Variants in SLC5A4 observed in about 807,000 individuals in gnomAD.
SLC5A4 encodes the protein solute carrier family 5 member 4, also known as probable glucose sensor protein SLC5A4.
In SLC5A4, 55 loss-of-function variants were observed where a neutral mutation model predicts 70.3. The ratio of observed to expected loss-of-function variants is 0.78; its 90% CI spans 0.63 to 0.98. The LOEUF (loss-of-function observed/expected upper bound fraction) is 0.98, where lower values mean the gene tolerates loss of function less well. Ranked by LOEUF, SLC5A4 falls within the 50% of genes least tolerant of loss-of-function variation. The pLI, the probability that SLC5A4 is intolerant of heterozygous loss-of-function variation, is 0.00. For missense variants in SLC5A4, 735 were observed against 839.2 expected (o/e 0.88, Z 1.53); for synonymous variants, 268 against 305.7 (o/e 0.88, Z 1.29).
intron 10 of SLC5A4, among the ~76,000 whole-genome samples, chr22:32,229,741 G>A (rs1198636480): frequency 6.6e-6 from 1 of 152,036 alleles, no homozygotes; most frequent in East Asian, 1.9e-4. Context: ...AGCACAGCAG[G>A]GTAACCATAA....
chr22:32,305,133 C>T, the SLC5A4 span, among the ~76,000 whole-genome samples: 85 of 152,032 alleles, frequency 5.6e-4, no homozygotes, highest in Middle Eastern at 6.8e-3. Flanking sequence ...ACTCATGTAC[C>T]GAGACCTTAA....
chr22:32,242,349 G>A (rs560958496), intron 5 of SLC5A4, among the ~76,000 whole-genome samples: 1 of 152,226 alleles, frequency 6.6e-6, no homozygotes, highest in African/African-American at 2.4e-5. Context: ...AAAATGATGG[G>A]ATCATGCCCC....
chr22:32,248,081 G>A (rs1926934266), intron 4 of SLC5A4, among the ~76,000 whole-genome samples: 1 of 152,056 alleles, frequency 6.6e-6, no homozygotes, highest in Non-Finnish European at 1.5e-5. Context: ...ATTCTATACT[G>A]GAAACCTCTC....
the SLC5A4 span, among the ~76,000 whole-genome samples, chr22:32,275,526 G>A: frequency 2.6e-4 from 39 of 152,214 alleles, no homozygotes; most frequent in African/African-American, 7.9e-4. Flanking sequence ...CTTCATCCAC[G>A]TCCCTACAAA....
At chr22:32,339,867 G>C in the SLC5A4 span, among the ~76,000 whole-genome samples, 1 of 152,238 alleles carries the variant, frequency 6.6e-6, no homozygotes, top group Non-Finnish European at 1.5e-5. Context: ...TTGTTTCACT[G>C]ACACCTGCGG....
At chr22:32,278,554 A>G in the SLC5A4 span, among the ~76,000 whole-genome samples, 1 of 152,222 alleles carries the variant, frequency 6.6e-6, no homozygotes, top group South Asian at 2.1e-4. Context: ...AATCTTAAAT[A>G]AAAATGGATC....
chr22:32,308,467 C>G, the SLC5A4 span, among the ~76,000 whole-genome samples: 1 of 151,814 alleles, frequency 6.6e-6, no homozygotes, highest in Non-Finnish European at 1.5e-5. Context: ...GTGGGGGAGT[C>G]AGTGTCAGGC....
chr22:32,329,733 G>A, the SLC5A4 span, among the ~76,000 whole-genome samples: 1 of 58,178 alleles, frequency 1.7e-5, no homozygotes, highest in Admixed American at 1.7e-4. Flanking sequence ...TCTGGTGTGT[G>A]TGTGTTGGGG....
the SLC5A4 span, chr22:32,269,520 C>A: frequency 1.7e-6 from 1 of 602,386 alleles, no homozygotes. This position sits in a 1 kb window ranked among gnomAD's most constrained non-coding sequence, Gnocchi z 4.1. Flanking sequence ...TGGCAGGACA[C>A]GTGCTCCATC....
In SLC5A4 at chr22:32,221,014, G is replaced by A; in HGVS notation, c.1674C>T (p.Arg558=). The A allele has an allele frequency of 6.2e-7, 1 of 1,611,896 alleles. No homozygotes were observed. The highest frequency in any genetic ancestry group is 2.2e-5 in the East Asian group (1 of 44,874). Residue 558 remains arginine (R), a synonymous_variant, in exon 14 of 15, where the codon CGC becomes CGT. Coordinates refer to ENST00000266086, the MANE Select transcript of SLC5A4 (RefSeq NM_014227.3). ...TACTGTTCCGAAGAACCCAGCACAG[G>A]CGGTACAGCTGAACAGGGACCATAC... ...TKPIPDVHLY[R]LCWVLRNSTE...
At chr22:32,329,611 T>TGGAG in the SLC5A4 span, among the ~76,000 whole-genome samples, 5 of 50,668 alleles carry the variant, frequency 9.9e-5, no homozygotes, top group Non-Finnish European at 1.1e-4. Context: ...GTGTGTGTGT[T>TGGAG]GGCTCTGGTG....
At chr22:32,313,744 C>A in the SLC5A4 span, among the ~76,000 whole-genome samples, 5 of 152,326 alleles carry the variant, frequency 3.3e-5, no homozygotes, top group South Asian at 1.0e-3. Flanking sequence ...GACTCCCTTG[C>A]AAGCAGGGGT....
At chr22:32,275,402 G>A in the SLC5A4 span, among the ~76,000 whole-genome samples, 1 of 152,080 alleles carries the variant, frequency 6.6e-6, no homozygotes, top group Non-Finnish European at 1.5e-5. Flanking sequence ...AGTGTGTGAT[G>A]TTCCCCTTCC....
intron 5 of SLC5A4, among the ~76,000 whole-genome samples, chr22:32,241,797 G>GTA (rs1315926254): frequency 1.2e-3 from 170 of 140,408 alleles, no homozygotes; most frequent in African/African-American, 4.9e-3. Context: ...GTGTGTGTGT[G>GTA]TGTGTGTATA....
chr22:32,344,036 A>G, the SLC5A4 span, among the ~76,000 whole-genome samples: 11 of 152,324 alleles, frequency 7.2e-5, no homozygotes, highest in East Asian at 3.9e-4. Context: ...AGGAGAGATG[A>G]TATCAGTGAT....
chr22:32,226,618 A>G (rs1356133779), intron 11 of SLC5A4, among the ~76,000 whole-genome samples: 1 of 152,244 alleles, frequency 6.6e-6, no homozygotes, highest in Non-Finnish European at 1.5e-5. Context: ...AACTATGGGA[A>G]GTCTTAGCAT....
chr22:32,237,743 A>G (rs1192041920), intron 6 of SLC5A4, among the ~76,000 whole-genome samples: 11 of 152,192 alleles, frequency 7.2e-5, no homozygotes, highest in Non-Finnish European at 1.3e-4. Flanking sequence ...AGTACCAGAT[A>G]TAGTTACTGT....
chr22:32,305,885 G>C, the SLC5A4 span, among the ~76,000 whole-genome samples: 1 of 150,810 alleles, frequency 6.6e-6, no homozygotes, highest in Non-Finnish European at 1.5e-5. Context: ...GCCAGTGCCA[G>C]ATTCAGGGCA....
rs1335043921 is a variant in SLC5A4 at position 32,232,957 on chromosome 22, C to T, written c.963G>A (p.Lys321=). The T allele has an allele frequency of 9.9e-6, 16 of 1,614,062 alleles. No homozygotes were observed. Among genetic ancestry groups the T allele is most frequent in the Non-Finnish European group, 1.3e-5 (15 of 1,180,030 alleles). ...TCACCATGAGGAACATGGGCAGCAG[C>T]TTCAGGTAAGCACACATAATGCAAG... ...KAACIMCAYL[K]LLPMFLMVMP... The change falls in exon 9 of 15, where the codon AAG becomes AAA. Residue 321 remains lysine (K), a synonymous_variant. Transcript: ENST00000266086.
Sources: gnomAD v4.1 joint callset for allele counts (sites outside exome capture counted in the v4.1 genomes callset) on GRCh38, gnomAD v4.1.1 for gene constraint, Gnocchi (gnomAD v3.1) non-coding constraint, MANE v1.5 for transcripts, NCBI Gene and HGNC (gene_info 2026-07-23, HGNC 2026-07-21) for gene names.